Variants in BCLAF3 observed in about 807,000 individuals in gnomAD.
The protein encoded by BCLAF3 is BCLAF1 and THRAP3 family member 3.
A neutral mutation model predicts 51.2 loss-of-function variants in BCLAF3; 24 were observed. The observed-to-expected ratio is 0.47, with a 90% CI of 0.34 to 0.66. BCLAF3 has a LOEUF of 0.66. BCLAF3 is among the 30% of genes least tolerant of loss of function. BCLAF3 has a pLI of 0.01. For synonymous variants in BCLAF3, 152 were observed against 176.6 expected (o/e 0.86, Z 1.10); for missense variants, 465 against 525.1 (o/e 0.89, Z 1.12).
chrX:19,950,705 A>G (rs750959961), intron 8 of BCLAF3, 48 bp downstream of exon 8: 2 of 958,244 alleles, frequency 2.1e-6, no homozygotes, highest in South Asian at 4.6e-5. Context: ...AAAATATGGT[A>G]AAACCCAAAG....
intron 1 of BCLAF3, among the ~76,000 whole-genome samples, chrX:19,990,195 C>CCCT (rs2072901205): frequency 9.2e-6 from 1 of 108,426 alleles, no homozygotes; most frequent in Non-Finnish European, 1.9e-5. Context: ...TCGAAAAGCA[C>CCCT]CTGAGTAGGA....
chrX:19,928,579 G>A (rs1476957901), intron 11 of BCLAF3, among the ~76,000 whole-genome samples: 1 of 111,168 alleles, frequency 9.0e-6, no homozygotes, highest in Non-Finnish European at 1.9e-5. Flanking sequence ...GCAAAACTCT[G>A]TCTCAAAAAA....
rs2069918456 is a variant in BCLAF3, at chrX:19,915,548, C to A, written c.*1757G>T. 8.9e-6 allele frequency: 1 copy of A among 111,790 alleles called. No individual in the cohort carries two copies. The allele number at this position is 111,790 out of a possible 1,213,427, so 9.2% of individuals were successfully genotyped here. ...AATAATAGTAAATCAGCCATCTTAC[C>A]TTTATGTGTTACAATAAATAAAAAG... On this transcript the variant is annotated 3_prime_UTR_variant, in exon 12 of 12. Coordinates refer to ENST00000379682, the MANE Select transcript of BCLAF3 (RefSeq NM_001367774.2).
chrX:19,959,147 C>T (rs2071768329), intron 4 of BCLAF3, among the ~76,000 whole-genome samples: 1 of 112,341 alleles, frequency 8.9e-6, no homozygotes, highest in Non-Finnish European at 1.9e-5. Context: ...TGTTTTTCTG[C>T]CATTGTTAAC....
At chrX:19,974,255 TAA>T (rs2072346110) in intron 1 of BCLAF3, among the ~76,000 whole-genome samples, 1 of 112,653 alleles carries the variant, frequency 8.9e-6, no homozygotes, top group Non-Finnish European at 1.9e-5. Context: ...AAATACCCAA[TAA>T]AGTCGAACAT....
intron 5 of BCLAF3, among the ~76,000 whole-genome samples, chrX:19,954,974 T>C (rs1356265439): frequency 8.9e-6 from 1 of 112,369 alleles, no homozygotes. Context: ...ATCCTTAAGA[T>C]ACAAAGTCCT....
intron 1 of BCLAF3, among the ~76,000 whole-genome samples, chrX:19,987,307 TTTAC>T (rs1453398612): frequency 9.0e-6 from 1 of 111,530 alleles, no homozygotes; most frequent in Non-Finnish European, 1.9e-5. Flanking sequence ...CCAAACTGAA[TTTAC>T]TTATTTATTT....
chrX:19,913,640 G>C lies in BCLAF3; in HGVS notation c.*3665C>G, dbSNP rs749959182. 1 of 111,785 alleles carries C rather than the reference G, an allele frequency of 8.9e-6. No homozygotes were observed. The highest frequency in any genetic ancestry group is 1.9e-5 in the Non-Finnish European group (1 of 53,104). The allele number at this position is 111,785 out of a possible 1,213,427, so 9.2% of individuals were successfully genotyped here. ...ATCTGCATTTTTAACAAGTTCTCAGGTGATGCTGATGTTGCTGGTCTGGGA... is the reference window on the plus strand; with the variant it reads ...ATCTGCATTTTTAACAAGTTCTCAGCTGATGCTGATGTTGCTGGTCTGGGA... On this transcript the variant is annotated 3_prime_UTR_variant, in exon 12 of 12. Transcript: ENST00000379682.
chrX:19,969,804 A>C (rs996119580), intron 2 of BCLAF3, among the ~76,000 whole-genome samples: 1 of 112,325 alleles, frequency 8.9e-6, no homozygotes, highest in African/African-American at 3.2e-5. Context: ...AGAAGGAAGG[A>C]GAAATGGACT....
At chrX:19,980,591 C>T (rs1342703364) in intron 1 of BCLAF3, among the ~76,000 whole-genome samples, 1 of 111,235 alleles carries the variant, frequency 9.0e-6, no homozygotes, top group Non-Finnish European at 1.9e-5. Context: ...TGTAAATGTA[C>T]ATATAAGACA....
intron 1 of BCLAF3, among the ~76,000 whole-genome samples, chrX:19,982,924 A>T (rs1394279545): frequency 9.3e-6 from 1 of 108,038 alleles, no homozygotes; most frequent in Non-Finnish European, 1.9e-5. Context: ...AATACAAAAG[A>T]CATATCTAAA....
chrX:19,962,956 A>G, intron 4 of BCLAF3, among the ~76,000 whole-genome samples: 1 of 108,593 alleles, frequency 9.2e-6, no homozygotes, highest in Middle Eastern at 4.6e-3. Context: ...GTGGTGGTGC[A>G]GGCCTGTAGT....
At chrX:19,979,653 AAAAAACCT>A (rs1258360599) in intron 1 of BCLAF3, among the ~76,000 whole-genome samples, 9 of 111,057 alleles carry the variant, frequency 8.1e-5, no homozygotes, top group Admixed American at 3.9e-4. Flanking sequence ...TGAGGATATT[AAAAAACCT>A]ACCTTGAATC....
In BCLAF3 at chrX:19,971,153, G is replaced by A. The variant is rs769900177; in HGVS notation, c.-34-855C>T. On this transcript the variant is annotated intron_variant, in intron 1 of 11. Transcript: ENST00000379682. ...CTCCCAGGCTGGAGTGCAGTGGTGCGATCACAGTTCACTGCAGCCTCAACT... is the reference window on the plus strand; with the variant it reads ...CTCCCAGGCTGGAGTGCAGTGGTGCAATCACAGTTCACTGCAGCCTCAACT... Among the ~76,000 whole-genome samples the A allele has an allele frequency of 3.6e-5, 4 of 112,107 alleles. No homozygotes were observed. In the East Asian group the frequency reaches 8.3e-4, roughly 23 times the overall value.
rs774332059 is a variant in BCLAF3, at chrX:19,965,475, A to G, written c.843T>C (p.Tyr281=). The change falls in exon 4 of 12, where the codon TAT becomes TAC. Residue 281 remains tyrosine (Y), a synonymous_variant. Transcript: ENST00000379682. ...CCAAGAGCTTAGGACGTTTGTGACGATAGTCATAGGATACTTTGGTTGCTG... is the reference window on the plus strand; with the variant it reads ...CCAAGAGCTTAGGACGTTTGTGACGGTAGTCATAGGATACTTTGGTTGCTG... The part of the protein sequence containing the change: ...TSSATKVSYD[Y]RHKRPKLLDG... 1 of 1,209,951 alleles carries G rather than the reference A, an allele frequency of 8.3e-7. No homozygotes were observed. Among genetic ancestry groups the G allele is most frequent in the Non-Finnish European group, 1.1e-6 (1 of 895,233 alleles).
At position 19,937,046 on chromosome X, in the gene BCLAF3, A is replaced by C. The variant is rs185951905; in HGVS notation, c.1860+372T>G. On this transcript the variant is annotated intron_variant, in intron 9 of 11. Coordinates refer to ENST00000379682, the MANE Select transcript of BCLAF3 (RefSeq NM_001367774.2). ...TGAATTTTTTTCTTTTATTATTATT[A>C]TATTTTTTTGTAGAGATGAGGTCTA... is the stretch of plus-strand genomic sequence containing the variant. 5.6e-4 allele frequency among the ~76,000 whole-genome samples: 62 copies of C among 111,351 alleles called. 1 individual carries two copies. In the East Asian group the frequency reaches 8.1e-3, roughly 15 times the overall value.
intron 1 of BCLAF3, among the ~76,000 whole-genome samples, chrX:19,984,807 T>G (rs750953280): frequency 1.8e-5 from 2 of 110,530 alleles, no homozygotes; most frequent in South Asian, 7.8e-4. Flanking sequence ...TGCCTCAGCC[T>G]CCCGAGTAGC....
intron 5 of BCLAF3, 103 bp from the exon 6 acceptor site, chrX:19,953,995 T>C: frequency 9.4e-7 from 1 of 1,059,756 alleles, no homozygotes; most frequent in South Asian, 2.8e-5. Context: ...AAATTCAACC[T>C]GTTTTCTCTT....
intron 1 of BCLAF3, among the ~76,000 whole-genome samples, 149 bp downstream of exon 1, chrX:19,990,759 G>A (rs2072909991): frequency 8.9e-6 from 1 of 112,312 alleles, no homozygotes; most frequent in Non-Finnish European, 1.9e-5. Flanking sequence ...ACGGGGCGCA[G>A]AGGAGCTGTC....
Sources: gnomAD v4.1 joint callset for allele counts (sites outside exome capture counted in the v4.1 genomes callset) on GRCh38, gnomAD v4.1.1 for gene constraint, MANE v1.5 for transcripts, NCBI Gene and HGNC (gene_info 2026-07-23, HGNC 2026-07-21) for gene names.